KIR2DL3: variants seen among roughly 807,000 people sequenced by gnomAD.
The protein encoded by KIR2DL3 is killer cell immunoglobulin like receptor, two Ig domains and long cytoplasmic tail 3.
In KIR2DL3, 39 loss-of-function variants were observed where a neutral mutation model predicts 33.8. The observed-to-expected ratio is 1.15, with a 90% CI of 0.89 to 1.51. The LOEUF is 1.51. Among genes scored for constraint, KIR2DL3 ranks in the 40% most tolerant of loss-of-function variants. The pLI is 0.00. For synonymous variants in KIR2DL3, 174 were observed against 160.2 expected (o/e 1.09, Z -0.65); for missense variants, 462 against 426.2 (o/e 1.08, Z -0.74).
chr19:54,746,991 A>G (rs2072608994), intron 4 of KIR2DL3, among the ~76,000 whole-genome samples: 2 of 143,948 alleles, frequency 1.4e-5, no homozygotes, highest in East Asian at 2.0e-4. Context: ...CAAAAGAAAA[A>G]AGAAAAAAAC....
chr19:54,748,651 G>A (rs574773778), intron 5 of KIR2DL3, among the ~76,000 whole-genome samples: 57 of 143,552 alleles, frequency 4.0e-4, no homozygotes, highest in African/African-American at 1.3e-3. Context: ...AGACAGAGTC[G>A]CCCTCTGTCT....
At chr19:54,743,131 G>A (rs1218324678) in intron 3 of KIR2DL3, among the ~76,000 whole-genome samples, 4 of 151,836 alleles carry the variant, frequency 2.6e-5, no homozygotes, top group African/African-American at 4.8e-5. Context: ...AGACCGAGAG[G>A]CAGAGCAAGA....
chr19:54,751,420 G>A lies in KIR2DL3; in HGVS notation c.716-229G>A, dbSNP rs1326821631. On this transcript the variant is annotated intron_variant, in intron 5 of 7. Transcript: ENST00000342376. ...AGTGGGGGTGAAATTTCAATGTGAGGTTTGAAGGGGTCAAACATCTCAACT... is the reference window on the plus strand; with the variant it reads ...AGTGGGGGTGAAATTTCAATGTGAGATTTGAAGGGGTCAAACATCTCAACT... 1.5e-5 allele frequency among the ~76,000 whole-genome samples: 2 copies of A among 132,856 alleles called. 1 individual carries two copies. The highest frequency in any genetic ancestry group is 5.7e-5 in the African/African-American group (2 of 34,834). 87.2% of individuals were successfully genotyped at this position (132,856 alleles called of 152,430 possible).
intron 4 of KIR2DL3, among the ~76,000 whole-genome samples, chr19:54,744,940 ATATATATATATATATTTTTTTTTTTTT>A (rs2072144314): frequency 4.5e-5 from 1 of 22,456 alleles, no homozygotes; most frequent in African/African-American, 1.5e-4. Flanking sequence ...ATATATATAT[ATATATATATATATATTTTTTTTTTTTT>A]TTTTTTTTTT....
chr19:54,750,391 G>A (rs2073233328), intron 5 of KIR2DL3, among the ~76,000 whole-genome samples: 1 of 142,350 alleles, frequency 7.0e-6, no homozygotes, highest in East Asian at 2.0e-4. Flanking sequence ...CAGCCTCTCG[G>A]GTAGAACAGC....
intron 7 of KIR2DL3, 38 bp downstream of exon 7, chr19:54,752,306 T>C (rs1569028020): frequency 1.3e-6 from 2 of 1,483,576 alleles, no homozygotes; most frequent in Non-Finnish European, 1.8e-6. Flanking sequence ...GCTAGTGTTA[T>C]TCCCAAAGAG....
At chr19:54,740,889 G>T (rs1270306447) in intron 2 of KIR2DL3, among the ~76,000 whole-genome samples, 2 of 151,916 alleles carry the variant, frequency 1.3e-5, no homozygotes, top group Non-Finnish European at 2.9e-5. Flanking sequence ...GGGGATTAGA[G>T]CAGTCCAGTG....
chr19:54,741,391 C>T (rs1176722334), intron 2 of KIR2DL3, among the ~76,000 whole-genome samples: 1 of 151,866 alleles, frequency 6.6e-6, no homozygotes, highest in African/African-American at 2.4e-5. Context: ...GTTGGCTACC[C>T]TGAGATCAGC....
intron 4 of KIR2DL3, among the ~76,000 whole-genome samples, chr19:54,745,437 A>T (rs1360406940): frequency 6.6e-6 from 1 of 151,692 alleles, no homozygotes; most frequent in Non-Finnish European, 1.5e-5. Flanking sequence ...ATCTTGGCTC[A>T]TTGCAACCTC....
At position 54,750,877 on chromosome 19, in the gene KIR2DL3, G is replaced by C. The variant is rs181252160; in HGVS notation, c.716-772G>C. Among the ~76,000 whole-genome samples, 25 of 133,332 alleles carry C rather than the reference G, an allele frequency of 1.9e-4. 3 individuals are homozygous for C. The highest frequency in any genetic ancestry group is 6.2e-4 in the African/African-American group (22 of 35,376). 87.5% of individuals were successfully genotyped at this position (133,332 alleles called of 152,430 possible). A position where few individuals can be genotyped will look rare whatever the true frequency, so the allele number is the denominator to read the frequency against. Reference sequence around the variant, plus strand: ...TGTAGCTGGGGGAAGCCAGAGAGCAGCCCAGCCTGGGTTTTGTACTGTGGA... The same window carrying C: ...TGTAGCTGGGGGAAGCCAGAGAGCACCCCAGCCTGGGTTTTGTACTGTGGA... On this transcript the variant is annotated intron_variant, in intron 5 of 7. Transcript: ENST00000342376.
intron 5 of KIR2DL3, among the ~76,000 whole-genome samples, chr19:54,748,712 C>T (rs1224115337): frequency 2.8e-5 from 4 of 142,320 alleles, no homozygotes; most frequent in African/African-American, 2.6e-5. Context: ...ACCTGCGTCT[C>T]CTGGATTCAA....
At chr19:54,744,942 ATATATATATATATTT>A (rs1394722098) in intron 4 of KIR2DL3, among the ~76,000 whole-genome samples, 20 of 24,222 alleles carry the variant, frequency 8.3e-4, no homozygotes, top group African/African-American at 2.5e-3. Context: ...ATATATATAT[ATATATATATATATTT>A]TTTTTTTTTT....
At chr19:54,743,683 G>A in intron 3 of KIR2DL3, 112 bp from the exon 4 acceptor site, 1 of 931,922 alleles carries the variant, frequency 1.1e-6, no homozygotes, top group East Asian at 2.4e-5. Flanking sequence ...GGGTGAGAGA[G>A]AGAGAGAGAG....
chr19:54,747,446 G>T (rs112443661), intron 5 of KIR2DL3, 61 bp downstream of exon 5: 145,800 of 1,203,412 alleles, frequency 0.12, 1,056 homozygotes, highest in South Asian at 0.2. Context: ...AACCTTCGAT[G>T]CAGGCATTGA....
intron 2 of KIR2DL3, among the ~76,000 whole-genome samples, chr19:54,740,955 GC>G (rs1335485256): frequency 1.3e-5 from 2 of 151,508 alleles, no homozygotes; most frequent in East Asian, 3.9e-4. Context: ...AATGCAGGTG[GC>G]CTATAGAGGC....
At position 54,743,384 on chromosome 19, in the gene KIR2DL3, T is replaced by C. The variant is rs542352969; in HGVS notation, c.371-411T>C. Among the ~76,000 whole-genome samples, 1,282 of 152,206 alleles carry C rather than the reference T, an allele frequency of 8.4e-3. 23 individuals carry two copies. Among genetic ancestry groups the C allele is most frequent in the African/African-American group, 0.029 (1,207 of 41,492 alleles). On this transcript the variant is annotated intron_variant, in intron 3 of 7. Transcript: ENST00000342376. ...AGACAAGTGATAGATACATAGATGA[T>C]ATATAGATATAGATGACAGGTAGAG...
intron 4 of KIR2DL3, among the ~76,000 whole-genome samples, chr19:54,744,930 A>ATGTGTG (rs1284115479): frequency 4.6e-5 from 1 of 21,552 alleles, no homozygotes; most frequent in African/African-American, 1.5e-4. Context: ...ACATATATAT[A>ATGTGTG]TATATATATA....
At chr19:54,739,439 C>G (rs796867134) in intron 1 of KIR2DL3, 68 bp from the exon 2 acceptor site, 3 of 1,461,870 alleles carry the variant, frequency 2.1e-6, no homozygotes, top group Non-Finnish European at 2.8e-6. Flanking sequence ...ACTCACAGCC[C>G]AGTGGGGGCA....
chr19:54,750,154 A>G, intron 5 of KIR2DL3, among the ~76,000 whole-genome samples: 1 of 112,744 alleles, frequency 8.9e-6, no homozygotes, highest in Non-Finnish European at 1.9e-5. Flanking sequence ...TCATCGCAAC[A>G]AAAAACTTGC....
Sources: allele counts gnomAD v4.1 joint callset (sites outside exome capture counted in the v4.1 genomes callset), GRCh38; gene constraint gnomAD v4.1.1; transcripts MANE v1.5; gene names NCBI Gene and HGNC (gene_info 2026-07-23, HGNC 2026-07-21).